Variants in NET1 observed in about 807,000 individuals in gnomAD.
NET1 encodes the protein neuroepithelial cell transforming 1.
A neutral mutation model predicts 61.1 loss-of-function variants in NET1; 42 were observed. That is an observed-to-expected ratio of 0.69 (90% CI 0.54 to 0.89). The LOEUF is 0.89. Ranked by LOEUF, NET1 falls within the 40% of genes least tolerant of loss-of-function variation. The pLI, the probability that NET1 is intolerant of heterozygous loss-of-function variation, is 0.00. For synonymous variants in NET1, 254 were observed against 281.8 expected (o/e 0.90, Z 0.99); for missense variants, 654 against 747.3 (o/e 0.88, Z 1.46).
chr10:5,456,142 G>T lies in NET1; in HGVS notation c.1253G>T (p.Arg418Leu). The T allele has an allele frequency of 6.2e-7, 1 of 1,614,112 alleles. No homozygotes were observed. The highest frequency in any genetic ancestry group is 1.1e-5 in the South Asian group (1 of 91,072). The change falls in exon 11 of 12, where the codon CGG (arginine) becomes CTG (leucine). Residue 418 changes from arginine to leucine, a missense_variant. Arg to Leu is a moderately radical substitution (Grantham distance 102). Transcript: ENST00000355029. This position sits in a 1 kb window ranked among gnomAD's most constrained non-coding sequence, Gnocchi z 7.0. ...DILVLTRPVT[R>L]NERHSYQVYR... is the part of the protein sequence containing the mutation. ...TTGGTTCTGACTCGGCCCGTCACAC[G>T]GAACGAACGGCACTCTTACCAGGTT...
At position 5,456,047 on chromosome 10, in the gene NET1, C is replaced by T. The variant is rs1315739139; in HGVS notation, c.1198-40C>T. ...GCAATATATTTCAGTCACTTAAAAA[C>T]ACAAGTTTCCTATTTAGCGTTTGTT... On this transcript the variant is annotated intron_variant, in intron 10 of 11. Transcript: ENST00000355029. This position sits in a 1 kb window ranked among gnomAD's most constrained non-coding sequence, Gnocchi z 7.0. 6.4e-7 allele frequency: 1 copy of T among 1,563,996 alleles called. No individual in the cohort carries two copies. The highest frequency in any genetic ancestry group is 2.3e-5 in the East Asian group (1 of 44,192).
Position 5,455,310 on chromosome 10 carries a change from G to C in NET1, c.1197+192G>C, listed in dbSNP as rs578057824. On this transcript the variant is annotated intron_variant, in intron 10 of 11. Transcript: ENST00000355029. The surrounding 1 kb of genome is among the most constrained non-coding windows in gnomAD (Gnocchi z 6.5). ...CCTTAAATGTCTCAGTGGAGAATCA[G>C]TAATACTTTATTTTTTAGTTTCGAA... Among the ~76,000 whole-genome samples the C allele has an allele frequency of 6.6e-6, 1 of 152,168 alleles. No homozygotes were observed. The highest frequency in any genetic ancestry group is 2.4e-5 in the African/African-American group (1 of 41,428).
chr10:5,454,599 A>G lies in NET1; in HGVS notation c.1026+77A>G. On this transcript the variant is annotated intron_variant, in intron 9 of 11. Transcript: ENST00000355029. This position sits in a 1 kb window ranked among gnomAD's most constrained non-coding sequence, Gnocchi z 8.1. ...TGCTTTAGAACGTTATCTTCTGAAG[A>G]TGCTGATTCACATCAGCATAGTGAA... The G allele has an allele frequency of 6.7e-7, 1 of 1,484,986 alleles. No homozygotes were observed. 92.0% of individuals were successfully genotyped at this position (1,484,986 alleles called of 1,614,324 possible).
Position 5,422,201 on chromosome 10 carries a change from G to A in NET1, c.129-4454G>A, listed in dbSNP as rs1832185383. Among the ~76,000 whole-genome samples, 1 of 152,112 alleles carries A rather than the reference G, an allele frequency of 6.6e-6. No individual in the cohort carries two copies. Among genetic ancestry groups the A allele is most frequent in the East Asian group, 1.9e-4 (1 of 5,186 alleles). On this transcript the variant is annotated intron_variant, in intron 1 of 11. Transcript: ENST00000355029. This position sits in a 1 kb window ranked among gnomAD's most constrained non-coding sequence, Gnocchi z 4.1. ...AAAATATAAAATTTAGCTGGGCATG[G>A]TGGCGTGCCCCTGTAATCCTAGCTA...
At chr10:5,425,315 C>T (rs1401759812) in intron 1 of NET1, among the ~76,000 whole-genome samples, 1 of 152,158 alleles carries the variant, frequency 6.6e-6, no homozygotes, top group East Asian at 1.9e-4. Flanking sequence ...GCTTAGAAAA[C>T]TCCAGAAGCC....
At position 5,422,278 on chromosome 10, in the gene NET1, A is replaced by G. The variant is rs1432302045; in HGVS notation, c.129-4377A>G. ...CTTGAACCCTGGAGGCGGAGGTTGT[A>G]GTGAGCCGAGATCGTACCACTGCAC... is the stretch of plus-strand genomic sequence containing the variant. On this transcript the variant is annotated intron_variant, in intron 1 of 11. Coordinates refer to ENST00000355029, the MANE Select transcript of NET1 (RefSeq NM_001047160.3). The surrounding 1 kb of genome is among the most constrained non-coding windows in gnomAD (Gnocchi z 4.1). 6.6e-6 allele frequency among the ~76,000 whole-genome samples: 1 copy of G among 151,722 alleles called. No individual in the cohort carries two copies. The highest frequency in any genetic ancestry group is 2.4e-5 in the African/African-American group (1 of 41,232).
At position 5,426,699 on chromosome 10, in the gene NET1, GC is replaced by G; in HGVS notation, c.177del (p.Asn60ThrfsTer6). The G allele has an allele frequency of 6.2e-7, 1 of 1,603,472 alleles. No homozygotes were observed. Among genetic ancestry groups the G allele is most frequent in the South Asian group, 1.1e-5 (1 of 89,152 alleles). ...AGCTCCTTCACATTCTTAACACCTGGCCCCAACTGGGACTTCACTTTGGTGA... is the reference window on the plus strand; with the variant it reads ...AGCTCCTTCACATTCTTAACACCTGGCCCAACTGGGACTTCACTTTGGTGA... ...RGSSFTFLTP[G>X]PNWDFTLKRK... On this transcript the variant is annotated frameshift_variant, in exon 2 of 12. Transcript: ENST00000355029. LOFTEE classifies it high-confidence loss of function. The surrounding 1 kb of genome is among the most constrained non-coding windows in gnomAD (Gnocchi z 4.6).
rs1038318530 is a variant in NET1 at position 5,451,723 on chromosome 10, T to G, written c.256-107T>G. 1.4e-6 allele frequency: 1 copy of G among 719,372 alleles called. No individual in the cohort carries two copies. The highest frequency in any genetic ancestry group is 2.3e-6 in the Non-Finnish European group (1 of 439,084). The allele number at this position is 719,372 out of a possible 1,614,324, so 44.6% of individuals were successfully genotyped here. On this transcript the variant is annotated intron_variant, in intron 3 of 11. Transcript: ENST00000355029. This position sits in a 1 kb window ranked among gnomAD's most constrained non-coding sequence, Gnocchi z 6.1. ...ACTCTTACTTTCATGTTTCTGTATT[T>G]TATAATGTACAAAAATTGTTTTGTG...
In NET1 at chr10:5,452,617, A is replaced by G. The variant is rs568546193; in HGVS notation, c.531+92A>G. The G allele has an allele frequency of 3.1e-6, 4 of 1,309,482 alleles. No individual in the cohort carries two copies. The South Asian group carries it at 5.7e-5, about 19-fold the overall frequency. 81.1% of individuals were successfully genotyped at this position (1,309,482 alleles called of 1,614,324 possible). ...ACTTGGATTTTTGTGTTTGAGCAAC[A>G]ATTCCTAATACATGGTGAACAAAAC... On this transcript the variant is annotated intron_variant, in intron 5 of 11. Coordinates refer to ENST00000355029, the MANE Select transcript of NET1 (RefSeq NM_001047160.3). This position sits in a 1 kb window ranked among gnomAD's most constrained non-coding sequence, Gnocchi z 4.0.
rs74617422 is a variant in NET1, at chr10:5,438,742, A to G, written c.255+9513A>G. Among the ~76,000 whole-genome samples the G allele has an allele frequency of 6.5e-3, 986 of 152,374 alleles. 37 individuals are homozygous for G. In the East Asian group the frequency reaches 0.11, roughly 16 times the overall value. On this transcript the variant is annotated intron_variant, in intron 3 of 11. Coordinates refer to ENST00000355029, the MANE Select transcript of NET1 (RefSeq NM_001047160.3). Reference sequence around the variant, plus strand: ...AATACTTTCTAAGCCATTCTAAGAGATCAGTATTATCCTGATAACTAAAGC... The same window carrying G: ...AATACTTTCTAAGCCATTCTAAGAGGTCAGTATTATCCTGATAACTAAAGC...
At chr10:5,413,750 A>C (rs986798626) in intron 1 of NET1, among the ~76,000 whole-genome samples, 15 of 152,210 alleles carry the variant, frequency 9.9e-5, no homozygotes, top group Non-Finnish European at 1.6e-4. Flanking sequence ...ACAATATCGA[A>C]CTTAGAGTGT....
chr10:5,418,971 A>AT (rs1184321133), intron 1 of NET1, among the ~76,000 whole-genome samples: 12 of 151,990 alleles, frequency 7.9e-5, no homozygotes, highest in Non-Finnish European at 1.8e-4. Context: ...ACTTTCACAA[A>AT]TTTTTTCTAA....
rs1832603190 is a variant in NET1, at chr10:5,446,113, C to A, written c.256-5717C>A. Reference sequence around the variant, plus strand: ...AACAGAAGTGCACCTGCTGTATTTACCCTGCTAGTCTTAAGAAAAAGTGGG... The same window carrying A: ...AACAGAAGTGCACCTGCTGTATTTAACCTGCTAGTCTTAAGAAAAAGTGGG... On this transcript the variant is annotated intron_variant, in intron 3 of 11. Coordinates refer to ENST00000355029, the MANE Select transcript of NET1 (RefSeq NM_001047160.3). The surrounding 1 kb of genome is among the most constrained non-coding windows in gnomAD (Gnocchi z 5.0). Among the ~76,000 whole-genome samples, 1 of 152,110 alleles carries A rather than the reference C, an allele frequency of 6.6e-6. No individual in the cohort carries two copies. The highest frequency in any genetic ancestry group is 6.5e-5 in the Admixed American group (1 of 15,270).
In NET1 at chr10:5,427,371, T is replaced by C. The variant is rs1460788455; in HGVS notation, c.195+650T>C. On this transcript the variant is annotated intron_variant, in intron 2 of 11. Coordinates refer to ENST00000355029, the MANE Select transcript of NET1 (RefSeq NM_001047160.3). This position sits in a 1 kb window ranked among gnomAD's most constrained non-coding sequence, Gnocchi z 4.1. ...ATAAATGCATAAGTATGATCATATA[T>C]GTGCTTTTTTCCCCTTAGTACAGTC... 6.6e-6 allele frequency among the ~76,000 whole-genome samples: 1 copy of C among 152,176 alleles called. No homozygotes were observed. Among genetic ancestry groups the C allele is most frequent in the Non-Finnish European group, 1.5e-5 (1 of 68,024 alleles).
At position 5,427,245 on chromosome 10, in the gene NET1, C is replaced by T. The variant is rs1832271970; in HGVS notation, c.195+524C>T. Among the ~76,000 whole-genome samples the T allele has an allele frequency of 1.3e-5, 2 of 152,052 alleles. No individual in the cohort carries two copies. Among genetic ancestry groups the T allele is most frequent in the Admixed American group, 1.3e-4 (2 of 15,270 alleles). On this transcript the variant is annotated intron_variant, in intron 2 of 11. Transcript: ENST00000355029. The surrounding 1 kb of genome is among the most constrained non-coding windows in gnomAD (Gnocchi z 4.1). ...AAATTGATTCTTTTTGTACTTAAAA[C>T]TTATTAGCTCATAATACATATATAA...
intron 2 of NET1, among the ~76,000 whole-genome samples, chr10:5,428,268 T>C (rs9423615): frequency 2.0e-5 from 3 of 152,098 alleles, no homozygotes; most frequent in Admixed American, 6.5e-5. Flanking sequence ...TCACTATTAA[T>C]TAAGTACCAG....
Position 5,436,753 on chromosome 10 carries a change from A to G in NET1, c.255+7524A>G, listed in dbSNP as rs574579010. On this transcript the variant is annotated intron_variant, in intron 3 of 11. Coordinates refer to ENST00000355029, the MANE Select transcript of NET1 (RefSeq NM_001047160.3). ...TAGAACCATGACAGGTAATTTGATC[A>G]TGTTGCAAAGCACAGATTTGAATAG... Among the ~76,000 whole-genome samples, 33 of 152,312 alleles carry G rather than the reference A, an allele frequency of 2.2e-4. No homozygotes were observed. In the South Asian group the frequency reaches 6.8e-3, roughly 32 times the overall value.
chr10:5,430,141 T>C (rs1237548856), intron 3 of NET1, among the ~76,000 whole-genome samples: 1 of 152,170 alleles, frequency 6.6e-6, no homozygotes, highest in East Asian at 1.9e-4. Context: ...ATTTAAAATA[T>C]CTTGTATTCA....
rs1832214979 is a variant in NET1, at chr10:5,423,667, A to G, written c.129-2988A>G. ...ACTGCCACTTTTCGCTCTACATTTC[A>G]TCCTTTAAGCCCTCCTTTTTAGGAG... On this transcript the variant is annotated intron_variant, in intron 1 of 11. Transcript: ENST00000355029. This position sits in a 1 kb window ranked among gnomAD's most constrained non-coding sequence, Gnocchi z 4.4. 6.6e-6 allele frequency among the ~76,000 whole-genome samples: 1 copy of G among 152,220 alleles called. No homozygotes were observed.
Sources: gnomAD v4.1 joint callset for allele counts (sites outside exome capture counted in the v4.1 genomes callset) on GRCh38, gnomAD v4.1.1 for gene constraint, Gnocchi (gnomAD v3.1) non-coding constraint, MANE v1.5 for transcripts, NCBI Gene and HGNC (gene_info 2026-07-23, HGNC 2026-07-21) for gene names.